Variants in TLL1 observed in about 807,000 individuals in gnomAD.
The protein encoded by TLL1 is tolloid like 1.
A neutral mutation model predicts 128.2 loss-of-function variants in TLL1; 49 were observed. The observed-to-expected ratio is 0.38, with a 90% CI of 0.30 to 0.48. The LOEUF (loss-of-function observed/expected upper bound fraction) is 0.48, where lower values mean the gene tolerates loss of function less well. TLL1 is among the 20% of genes least tolerant of loss of function. The pLI, the probability that TLL1 is intolerant of heterozygous loss-of-function variation, is 0.96. For missense variants in TLL1, 1,123 were observed against 1,242.0 expected (o/e 0.90, Z 1.44); for synonymous variants, 454 against 418.8 (o/e 1.08, Z -1.03).
chr4:166,079,527 C>T (rs1024941220), intron 18 of TLL1, among the ~76,000 whole-genome samples: 21 of 151,748 alleles, frequency 1.4e-4, no homozygotes, highest in Non-Finnish European at 1.5e-4. Flanking sequence ...TGTGTTAAGT[C>T]GTAATTCTTT....
chr4:165,938,904 G>C (rs1314328700), intron 1 of TLL1, among the ~76,000 whole-genome samples: 1 of 148,776 alleles, frequency 6.7e-6, no homozygotes, highest in Admixed American at 6.8e-5. Flanking sequence ...ATCTATTCTT[G>C]CTTCATGGTT....
At chr4:166,078,528 TC>T (rs1245472592) in intron 18 of TLL1, among the ~76,000 whole-genome samples, 1 of 152,168 alleles carries the variant, frequency 6.6e-6, no homozygotes, top group Admixed American at 6.6e-5. Flanking sequence ...TGTACAAAGA[TC>T]CTGATTTCCT....
chr4:165,983,183 C>T (rs1417787886), intron 1 of TLL1, among the ~76,000 whole-genome samples: 3 of 151,764 alleles, frequency 2.0e-5, no homozygotes, highest in Non-Finnish European at 3.0e-5. Context: ...ACAAAGAGTT[C>T]AGAATGAATA....
chr4:166,019,314 G>T (rs1738103305), intron 8 of TLL1, among the ~76,000 whole-genome samples: 1 of 152,130 alleles, frequency 6.6e-6, no homozygotes, highest in East Asian at 1.9e-4. Context: ...AGGGGAGAGG[G>T]TGGGAGGCGA....
intron 1 of TLL1, among the ~76,000 whole-genome samples, chr4:165,889,095 TG>T (rs1731283659): frequency 6.6e-6 from 1 of 152,234 alleles, no homozygotes; most frequent in Admixed American, 6.5e-5. Flanking sequence ...TATTGAGTTA[TG>T]CAGGAAGCTC....
chr4:166,035,532 A>AT (rs1553963375), intron 9 of TLL1, among the ~76,000 whole-genome samples: 1 of 152,132 alleles, frequency 6.6e-6, no homozygotes, highest in Non-Finnish European at 1.5e-5. Context: ...TCAACCTCAG[A>AT]ATGTTTAAGT....
intron 19 of TLL1, among the ~76,000 whole-genome samples, chr4:166,096,420 G>T (rs1472721143): frequency 6.6e-6 from 1 of 151,984 alleles, no homozygotes; most frequent in African/African-American, 2.4e-5. Context: ...TTTTCTAGAA[G>T]TGTTTAATAA....
At chr4:165,925,205 AT>A (rs1447345576) in intron 1 of TLL1, among the ~76,000 whole-genome samples, 2 of 152,236 alleles carry the variant, frequency 1.3e-5, no homozygotes, top group Non-Finnish European at 1.5e-5. Flanking sequence ...TATGGTTGCC[AT>A]AAATAGTGAT....
intron 1 of TLL1, among the ~76,000 whole-genome samples, chr4:165,891,888 G>T (rs1731427130): frequency 6.6e-6 from 1 of 152,154 alleles, no homozygotes; most frequent in African/African-American, 2.4e-5. Flanking sequence ...CTTTACAGCA[G>T]TAACTCACTC....
At chr4:166,014,863 G>A (rs887912242) in intron 8 of TLL1, among the ~76,000 whole-genome samples, 2 of 151,974 alleles carry the variant, frequency 1.3e-5, no homozygotes, top group Admixed American at 6.6e-5. Context: ...TTAAATAGTT[G>A]CATGATTTCA....
chr4:166,014,793 T>G (rs1737861461), intron 8 of TLL1, among the ~76,000 whole-genome samples: 1 of 152,032 alleles, frequency 6.6e-6, no homozygotes, highest in African/African-American at 2.4e-5. Flanking sequence ...TAGTATATTT[T>G]ATTTCTTTTA....
chr4:165,974,016 T>A (rs1735752310), intron 1 of TLL1, among the ~76,000 whole-genome samples: 1 of 151,980 alleles, frequency 6.6e-6, no homozygotes, highest in African/African-American at 2.4e-5. Flanking sequence ...AAGATTATAT[T>A]TTTTCATCCC....
At chr4:165,927,172 A>G (rs1733312179) in intron 1 of TLL1, among the ~76,000 whole-genome samples, 1 of 152,234 alleles carries the variant, frequency 6.6e-6, no homozygotes, top group Non-Finnish European at 1.5e-5. Context: ...TTTATATACC[A>G]TAAAACAATA....
At chr4:165,967,582 T>A (rs1735447530) in intron 1 of TLL1, among the ~76,000 whole-genome samples, 1 of 152,214 alleles carries the variant, frequency 6.6e-6, no homozygotes, top group African/African-American at 2.4e-5. Context: ...AAATATTTGT[T>A]AGCCATTTTG....
intron 1 of TLL1, among the ~76,000 whole-genome samples, chr4:165,975,239 A>T (rs758062913): frequency 6.6e-6 from 1 of 152,108 alleles, no homozygotes; most frequent in African/African-American, 2.4e-5. Context: ...GGAATAAATT[A>T]TTCAGTCTTG....
intron 15 of TLL1, among the ~76,000 whole-genome samples, chr4:166,062,710 T>A (rs1740380538): frequency 6.6e-6 from 1 of 152,152 alleles, no homozygotes; most frequent in Non-Finnish European, 1.5e-5. Flanking sequence ...TACCCTTTAT[T>A]TCTTTCTCCT....
chr4:166,006,668 T>C (rs1004610850), intron 6 of TLL1, among the ~76,000 whole-genome samples: 6 of 151,754 alleles, frequency 4.0e-5, no homozygotes, highest in African/African-American at 1.4e-4. Context: ...TTCCCAAGAA[T>C]GGTTGTAACA....
At chr4:166,002,471 G>T (rs556174940) in intron 5 of TLL1, among the ~76,000 whole-genome samples, 4 of 152,048 alleles carry the variant, frequency 2.6e-5, no homozygotes, top group East Asian at 1.9e-4. Flanking sequence ...AAGAGACAGG[G>T]TCTTACTCTG....
intron 1 of TLL1, among the ~76,000 whole-genome samples, chr4:165,883,220 CTT>C (rs970871692): frequency 1.3e-5 from 2 of 152,116 alleles, no homozygotes; most frequent in Admixed American, 1.3e-4. Context: ...TTTAAGTTAA[CTT>C]TGTTAATATC....
Sources: allele counts gnomAD v4.1 joint callset (sites outside exome capture counted in the v4.1 genomes callset), GRCh38; gene constraint gnomAD v4.1.1; transcripts MANE v1.5; gene names NCBI Gene and HGNC (gene_info 2026-07-23, HGNC 2026-07-21).